The following ERBB4 variants were observed in gnomAD, a reference collection of about 807,000 sequenced individuals.
ERBB4 encodes erb-b2 receptor tyrosine kinase 4.
A neutral mutation model predicts 158.0 loss-of-function variants in ERBB4; 42 were observed. That is an observed-to-expected ratio of 0.27 (90% CI 0.21 to 0.34). The LOEUF (loss-of-function observed/expected upper bound fraction) is 0.34. ERBB4 is among the 10% of genes least tolerant of loss of function. The pLI, the probability that ERBB4 is intolerant of heterozygous loss-of-function variation, is 1.00. For synonymous variants in ERBB4, 583 were observed against 558.7 expected, an observed-to-expected ratio of 1.04 and a Z score of -0.61; for missense variants, 1,333 against 1,624.1, an observed-to-expected ratio of 0.82 and a Z score of 3.08.
chr2:211,688,920 T>C (rs2072685897), intron 12 of ERBB4, among the ~76,000 whole-genome samples: 1 of 152,160 alleles, frequency 6.6e-6, no homozygotes, highest in Admixed American at 6.5e-5. Context: ...AGGTAACTCA[T>C]AGTTTGCAGG....
At chr2:212,282,444 C>T (rs1209815999) in intron 1 of ERBB4, among the ~76,000 whole-genome samples, 1 of 151,818 alleles carries the variant, frequency 6.6e-6, no homozygotes, top group Non-Finnish European at 1.5e-5. Flanking sequence ...CAGGTGTTAT[C>T]GCCCTGATTT....
At chr2:212,358,889 A>G (rs2089571613) in intron 1 of ERBB4, among the ~76,000 whole-genome samples, 1 of 151,814 alleles carries the variant, frequency 6.6e-6, no homozygotes, top group African/African-American at 2.4e-5. Flanking sequence ...AATATATGAA[A>G]AAAGATGAAT....
At chr2:212,343,204 C>A (rs1051042424) in intron 1 of ERBB4, among the ~76,000 whole-genome samples, 1 of 152,122 alleles carries the variant, frequency 6.6e-6, no homozygotes, top group Non-Finnish European at 1.5e-5. Context: ...TAACATTAAA[C>A]CACTAATAAT....
intron 3 of ERBB4, among the ~76,000 whole-genome samples, chr2:211,929,343 G>A (rs1267482839): frequency 1.3e-5 from 2 of 151,442 alleles, no homozygotes; most frequent in Non-Finnish European, 2.9e-5. Context: ...CTTTCTCTTG[G>A]CAGTATGTTT....
intron 1 of ERBB4, among the ~76,000 whole-genome samples, chr2:212,234,720 C>G (rs1056471856): frequency 6.6e-6 from 1 of 152,214 alleles, no homozygotes; most frequent in African/African-American, 2.4e-5. Context: ...ACTTACATTT[C>G]TCTAATGACC....
chr2:212,315,238 A>G (rs2087221130), intron 1 of ERBB4, among the ~76,000 whole-genome samples: 1 of 151,428 alleles, frequency 6.6e-6, no homozygotes, highest in African/African-American at 2.4e-5. Context: ...TAATAACTCA[A>G]GAAATGACAA....
intron 20 of ERBB4, among the ~76,000 whole-genome samples, chr2:211,435,875 A>G (rs1008260451): frequency 6.6e-6 from 1 of 152,338 alleles, no homozygotes; most frequent in Middle Eastern, 3.4e-3. Context: ...CTACATTTTT[A>G]AGCCTATCTT....
At chr2:211,924,883 T>C (rs1442055198) in intron 3 of ERBB4, among the ~76,000 whole-genome samples, 1 of 152,236 alleles carries the variant, frequency 6.6e-6, no homozygotes. Flanking sequence ...CATCCATCCA[T>C]TTTCCTCTTC....
intron 2 of ERBB4, among the ~76,000 whole-genome samples, chr2:212,060,996 A>T (rs996520363): frequency 9.9e-5 from 15 of 151,522 alleles, no homozygotes; most frequent in African/African-American, 3.4e-4. Flanking sequence ...TAAATAAAAT[A>T]AAAAAGTAAA....
At chr2:212,139,347 T>G (rs755700036) in intron 1 of ERBB4, among the ~76,000 whole-genome samples, 6 of 152,040 alleles carry the variant, frequency 3.9e-5, no homozygotes, top group Non-Finnish European at 7.4e-5. Flanking sequence ...TATTTGCTAG[T>G]ATACAATATT....
In ERBB4 at chr2:211,427,836, A is replaced by AT. The variant is rs57717911; in HGVS notation, c.2719+571dup. Among the ~76,000 whole-genome samples, 497 of 145,128 alleles carry AT rather than the reference A, an allele frequency of 3.4e-3. 2 individuals carry two copies. The highest frequency in any genetic ancestry group is 8.0e-3 in the Admixed American group (116 of 14,500). On this transcript the variant is annotated intron_variant, in intron 22 of 27. Transcript: ENST00000342788. ...ATTGTCCCTAAACTAAAATTGGCTG[A>AT]TTTTTTTTTTTTCTGTCAAAATGAT...
intron 3 of ERBB4, among the ~76,000 whole-genome samples, chr2:211,863,802 C>A (rs138444675): frequency 3.2e-3 from 484 of 152,334 alleles, no homozygotes; most frequent in Admixed American, 5.1e-3. Context: ...ATTCCAGACA[C>A]AGTGGGATAT....
chr2:211,768,680 A>C (rs1485129505), intron 4 of ERBB4, among the ~76,000 whole-genome samples: 1 of 152,148 alleles, frequency 6.6e-6, no homozygotes, highest in Non-Finnish European at 1.5e-5. Context: ...TCCTTTTAGC[A>C]ATGGCCGGAA....
chr2:212,056,388 G>T (rs1334372338), intron 2 of ERBB4, among the ~76,000 whole-genome samples: 1 of 152,192 alleles, frequency 6.6e-6, no homozygotes, highest in East Asian at 1.9e-4. Context: ...CCCCAACCTA[G>T]CAAGGCAGGC....
In ERBB4 at chr2:212,350,529, T is replaced by C. The variant is rs114991551; in HGVS notation, c.82+187920A>G. Among the ~76,000 whole-genome samples the C allele has an allele frequency of 6.3e-3, 966 of 152,256 alleles. 3 individuals carry two copies. The highest frequency in any genetic ancestry group is 0.02 in the Middle Eastern group (6 of 294). On this transcript the variant is annotated intron_variant, in intron 1 of 27. Coordinates refer to ENST00000342788, the MANE Select transcript of ERBB4 (RefSeq NM_005235.3). ...AAACATGTGCCAACTAAAAGAGATA[T>C]TGAATGGCTCAAAAGTAATAAGACA... is the stretch of plus-strand genomic sequence containing the variant.
intron 1 of ERBB4, among the ~76,000 whole-genome samples, chr2:212,364,984 T>C (rs1357928330): frequency 6.6e-6 from 1 of 151,530 alleles, no homozygotes; most frequent in Non-Finnish European, 1.5e-5. Flanking sequence ...GCTTCAAGTT[T>C]AAATAAGTAT....
At chr2:212,229,054 T>C (rs745966150) in intron 1 of ERBB4, among the ~76,000 whole-genome samples, 29 of 152,276 alleles carry the variant, frequency 1.9e-4, no homozygotes, top group Non-Finnish European at 3.7e-4. Context: ...ATTGGACATA[T>C]CAGTATGGAT....
In ERBB4 at chr2:211,379,900, A is replaced by G. The variant is rs1479444271; in HGVS notation, c.*3715T>C. ...TTTTGATACTTCAAGAAGCACATTA[A>G]TAGTCCTTCCAACTTCATCTAGTAG... On this transcript the variant is annotated 3_prime_UTR_variant, in exon 28 of 28. Transcript: ENST00000342788. 4 of 231,994 alleles carry G rather than the reference A, an allele frequency of 1.7e-5. No individual in the cohort carries two copies. The highest frequency in any genetic ancestry group is 1.7e-4 in the Admixed American group (3 of 17,708). 14.4% of individuals were successfully genotyped at this position (231,994 alleles called of 1,614,324 possible).
intron 1 of ERBB4, among the ~76,000 whole-genome samples, chr2:212,530,142 G>A (rs760160760): frequency 6.6e-6 from 1 of 151,700 alleles, no homozygotes; most frequent in Non-Finnish European, 1.5e-5. Context: ...GTTTGAGGAC[G>A]TGGAAGAAGA....
Sources: allele counts gnomAD v4.1 joint callset (sites outside exome capture counted in the v4.1 genomes callset), GRCh38; gene constraint gnomAD v4.1.1; transcripts MANE v1.5; gene names NCBI Gene and HGNC (gene_info 2026-07-23, HGNC 2026-07-21).